Variants in DENND3 observed in about 807,000 individuals in gnomAD.
The protein encoded by DENND3 is DENN domain containing 3, also known as DENN domain-containing protein 3.
In DENND3, 88 loss-of-function variants were observed where a neutral mutation model predicts 135.1. That is an observed-to-expected ratio of 0.65 (90% CI 0.55 to 0.78). The LOEUF is 0.78. Among genes scored for constraint, DENND3 ranks in the 30% least tolerant of loss-of-function variants. DENND3 has a pLI of 0.00. For synonymous variants in DENND3, 693 were observed against 712.3 expected (o/e 0.97, Z 0.43); for missense variants, 1,392 against 1,688.4 (o/e 0.82, Z 3.08).
intron 18 of DENND3, among the ~76,000 whole-genome samples, chr8:141,186,706 G>A (rs1188070399): frequency 2.0e-5 from 3 of 152,222 alleles, no homozygotes; most frequent in East Asian, 1.9e-4. Flanking sequence ...TACATTTTTA[G>A]TAGTGTGTCC....
chr8:141,157,050 A>C (rs1187356598), intron 8 of DENND3, among the ~76,000 whole-genome samples: 3 of 152,104 alleles, frequency 2.0e-5, no homozygotes, highest in Non-Finnish European at 4.4e-5. Context: ...CCAAAGTGCT[A>C]GGATTACAGG....
At chr8:141,189,370 C>T (rs1255378485) in intron 19 of DENND3, among the ~76,000 whole-genome samples, 3 of 152,266 alleles carry the variant, frequency 2.0e-5, no homozygotes, top group Non-Finnish European at 4.4e-5. Flanking sequence ...GATGAAGGCA[C>T]CACACCCGGC....
chr8:141,175,379 G>A lies in DENND3; in HGVS notation c.2455G>A (p.Ala819Thr). ...VKTNLGVGKIAMTQKRLFLLT... is the reference protein window; with the variant it reads ...VKTNLGVGKITMTQKRLFLLT... ...GACAAACCTAGGCGTTGGCAAGATC[G>A]CCATGACCCAGAAGCGCCTGTTCCT... The change falls in exon 14 of 23, where the codon GCC becomes ACC. Residue 819 changes from alanine (A) to threonine (T), a missense_variant. Ala to Thr is a moderately conservative substitution (Grantham distance 58, BLOSUM62 0). Coordinates refer to ENST00000519811, the MANE Select transcript of DENND3 (RefSeq NM_001352890.3). This position sits in a 1 kb window ranked among gnomAD's most constrained non-coding sequence, Gnocchi z 5.4. The A allele has an allele frequency of 3.1e-6, 5 of 1,614,162 alleles. No homozygotes were observed. Among genetic ancestry groups the A allele is most frequent in the Admixed American group, 1.7e-5 (1 of 60,022 alleles).
intron 20 of DENND3, chr8:141,190,762 G>C (rs1824616754): frequency 4.5e-6 from 1 of 222,514 alleles, no homozygotes. Context: ...GCTCCTCCTG[G>C]GAGGCCTCTG....
chr8:141,134,425 A>G (rs1816526433), intron 1 of DENND3, among the ~76,000 whole-genome samples: 1 of 150,876 alleles, frequency 6.6e-6, no homozygotes, highest in East Asian at 2.0e-4. Context: ...CTCTCCGAGT[A>G]GCTGGGACTA....
chr8:141,187,522 G>C (rs577620678), intron 18 of DENND3, among the ~76,000 whole-genome samples: 393 of 152,190 alleles, frequency 2.6e-3, no homozygotes, highest in Non-Finnish European at 5.0e-3. Flanking sequence ...CACTGCGCCC[G>C]GCCATGGTAT....
intron 7 of DENND3, among the ~76,000 whole-genome samples, chr8:141,152,086 G>A (rs80265414): frequency 4.2e-4 from 64 of 152,358 alleles, no homozygotes; most frequent in African/African-American, 1.5e-3. Flanking sequence ...GGTGAGGGCC[G>A]AGTGAGGCAG....
chr8:141,178,121 G>A lies in DENND3; in HGVS notation c.2761G>A (p.Val921Met), dbSNP rs748203858. The A allele has an allele frequency of 6.8e-6, 11 of 1,612,906 alleles. No individual in the cohort carries two copies. The highest frequency in any genetic ancestry group is 4.5e-5 in the East Asian group (2 of 44,848). Residue 921 changes from valine (V) to methionine (M), a missense_variant, in exon 16 of 23, where the codon GTG becomes ATG. By Grantham distance (21) the Val-to-Met change is conservative. Transcript: ENST00000519811. ...LTNVLLMDAV[V>M]GTLQSPGAIY... Reference sequence around the variant, plus strand: ...CAACGTCTTGCTGATGGACGCCGTCGTGGGCACACTGCAGTCACCAGGCGC... The same window carrying A: ...CAACGTCTTGCTGATGGACGCCGTCATGGGCACACTGCAGTCACCAGGCGC...
chr8:141,145,481 A>C (rs1475009624), intron 5 of DENND3, among the ~76,000 whole-genome samples: 1 of 152,164 alleles, frequency 6.6e-6, no homozygotes, highest in African/African-American at 2.4e-5. Flanking sequence ...GGCCACGGTC[A>C]CTCAGAATAA....
intron 20 of DENND3, chr8:141,192,096 G>A (rs1402941893): frequency 4.4e-6 from 2 of 453,340 alleles, no homozygotes; most frequent in Non-Finnish European, 7.7e-6. Flanking sequence ...GAAAAATTAA[G>A]AAACTGCCCA....
chr8:141,131,372 C>G (rs1452344540), intron 1 of DENND3, among the ~76,000 whole-genome samples: 1 of 152,134 alleles, frequency 6.6e-6, no homozygotes, highest in African/African-American at 2.4e-5. Flanking sequence ...ACAGGTCACC[C>G]GCATAATTCT....
chr8:141,152,481 T>C (rs1818905539), intron 7 of DENND3, among the ~76,000 whole-genome samples: 1 of 152,320 alleles, frequency 6.6e-6, no homozygotes, highest in Admixed American at 6.5e-5. Context: ...AGTTGCTCCA[T>C]GCGCTATCCT....
chr8:141,185,035 G>A, intron 17 of DENND3, 104 bp from the exon 18 acceptor site: 3 of 1,446,014 alleles, frequency 2.1e-6, no homozygotes, highest in Non-Finnish European at 2.8e-6. Context: ...ACATGGGCCT[G>A]GCGCTTAGGA....
intron 18 of DENND3, among the ~76,000 whole-genome samples, chr8:141,186,706 G>GTAGTGTGTCCTTGGCAGTGCCA (rs1569556911): frequency 2.6e-5 from 4 of 152,222 alleles, no homozygotes; most frequent in African/African-American, 9.6e-5. Flanking sequence ...TACATTTTTA[G>GTAGTGTGTCCTTGGCAGTGCCA]TAGTGTGTCC....
At chr8:141,155,435 G>T (rs1300691848) in intron 7 of DENND3, among the ~76,000 whole-genome samples, 1 of 151,978 alleles carries the variant, frequency 6.6e-6, no homozygotes, top group Non-Finnish European at 1.5e-5. Flanking sequence ...ACAGGGTCTT[G>T]CTCTGTTGCC....
At chr8:141,170,360 T>C (rs1425270179) in intron 13 of DENND3, among the ~76,000 whole-genome samples, 1 of 152,046 alleles carries the variant, frequency 6.6e-6, no homozygotes, top group African/African-American at 2.4e-5. Flanking sequence ...CGAGTGTGTG[T>C]ATGAGTGTGT....
intron 16 of DENND3, among the ~76,000 whole-genome samples, 185 bp downstream of exon 16, chr8:141,178,381 G>A (rs1167872163): frequency 6.6e-6 from 1 of 152,202 alleles, no homozygotes. Flanking sequence ...TCACTGCACA[G>A]TGCACCTTGG....
At chr8:141,193,268 C>A in intron 22 of DENND3, 1 of 156,632 alleles carries the variant, frequency 6.4e-6, no homozygotes, top group Non-Finnish European at 1.4e-5. Context: ...ACAGTCTGCC[C>A]TCTGGCCCCC....
intron 7 of DENND3, among the ~76,000 whole-genome samples, chr8:141,155,402 T>C (rs1780656169): frequency 6.6e-6 from 1 of 152,080 alleles, no homozygotes; most frequent in South Asian, 2.1e-4. Context: ...TATTTTATTT[T>C]ATTATTATTA....
Sources: allele counts gnomAD v4.1 joint callset (sites outside exome capture counted in the v4.1 genomes callset), GRCh38; gene constraint gnomAD v4.1.1; non-coding constraint Gnocchi (gnomAD v3.1); transcripts MANE v1.5; gene names NCBI Gene and HGNC (gene_info 2026-07-23, HGNC 2026-07-21).